The following CD44 variants were observed in gnomAD, a reference collection of about 807,000 sequenced individuals.
CD44 encodes CD44 antigen.
In CD44, 49 loss-of-function variants were observed where a neutral mutation model predicts 88.8. The ratio of observed to expected loss-of-function variants is 0.55; its 90% CI spans 0.44 to 0.70. The LOEUF is 0.70. Among genes scored for constraint, CD44 ranks in the 30% least tolerant of loss-of-function variants. The pLI, the probability that CD44 is intolerant of heterozygous loss-of-function variation, is 0.00. For missense variants in CD44, 883 were observed against 913.8 expected (o/e 0.97, Z 0.43); for synonymous variants, 325 against 312.3 (o/e 1.04, Z -0.43).
At chr11:35,222,830 T>G in intron 17 of CD44, 2 of 985,254 alleles carry the variant, frequency 2.0e-6, no homozygotes, top group Non-Finnish European at 2.4e-6. Context: ...AAAAGAAACT[T>G]ATTTCCAAGC....
Position 35,229,433 on chromosome 11 carries a change from T to C in CD44, c.*100T>C, listed in dbSNP as rs767129598. 9 of 712,898 alleles carry C rather than the reference T, an allele frequency of 1.3e-5. No homozygotes were observed. The highest frequency in any genetic ancestry group is 2.1e-5 in the Non-Finnish European group (9 of 428,204). The allele number at this position is 712,898 out of a possible 1,614,324, so 44.2% of individuals were successfully genotyped here. On this transcript the variant is annotated 3_prime_UTR_variant, in exon 18 of 18. Transcript: ENST00000428726. ...ATGCAATGTGCTACTGATTGTTTCA[T>C]TGCGAATCTTTTTTAGCATAAAATT...
intron 1 of CD44, among the ~76,000 whole-genome samples, chr11:35,171,996 C>A (rs369366609): frequency 2.0e-5 from 3 of 152,310 alleles, no homozygotes; most frequent in Admixed American, 6.5e-5. Flanking sequence ...TCTGGTGAAG[C>A]TTTTCGATAC....
chr11:35,201,068 C>T lies in CD44; in HGVS notation c.923-14C>T. On this transcript the variant is annotated splice_polypyrimidine_tract_variant and intron_variant, in intron 7 of 17. Coordinates refer to ENST00000428726, the MANE Select transcript of CD44 (RefSeq NM_000610.4). Reference sequence around the variant, plus strand: ...ATAACATTTTTCTAATTGCTTCAATCATCGTTATCACAGTTTCAACCACAC... The same window carrying T: ...ATAACATTTTTCTAATTGCTTCAATTATCGTTATCACAGTTTCAACCACAC... 1 of 1,579,264 alleles carries T rather than the reference C, an allele frequency of 6.3e-7. No individual in the cohort carries two copies. The highest frequency in any genetic ancestry group is 8.7e-7 in the Non-Finnish European group (1 of 1,148,208).
chr11:35,202,088 T>G (rs990657067), intron 9 of CD44, among the ~76,000 whole-genome samples: 9 of 152,204 alleles, frequency 5.9e-5, no homozygotes, highest in Admixed American at 2.6e-4. Context: ...CATTGAAATG[T>G]GTGGCAAAGA....
chr11:35,145,683 C>G (rs1859006233), intron 1 of CD44, among the ~76,000 whole-genome samples: 1 of 152,152 alleles, frequency 6.6e-6, no homozygotes, highest in Admixed American at 6.5e-5. Context: ...GATACTGATA[C>G]GAGGTTGAGA....
intron 1 of CD44, among the ~76,000 whole-genome samples, chr11:35,156,062 T>C (rs866116966): frequency 6.6e-5 from 10 of 152,214 alleles, no homozygotes; most frequent in Non-Finnish European, 2.9e-5. Context: ...CATGTCACCA[T>C]GGACATCATT....
intron 3 of CD44, among the ~76,000 whole-genome samples, chr11:35,183,217 G>A (rs989459209): frequency 6.6e-6 from 1 of 152,010 alleles, no homozygotes; most frequent in African/African-American, 2.4e-5. Flanking sequence ...AAGTTTAAAG[G>A]GAATATTTAT....
intron 5 of CD44, 89 bp downstream of exon 5, chr11:35,190,154 A>C: frequency 8.7e-7 from 1 of 1,144,894 alleles, no homozygotes; most frequent in Non-Finnish European, 1.3e-6. Flanking sequence ...TCACGTGCTG[A>C]TTTTCTCGTC....
intron 1 of CD44, among the ~76,000 whole-genome samples, chr11:35,157,325 A>ATTTT (rs67291520): frequency 9.4e-6 from 1 of 106,780 alleles, no homozygotes; most frequent in African/African-American, 3.9e-5. Context: ...CTGTCTGTCT[A>ATTTT]TCTATCTATC....
intron 17 of CD44, among the ~76,000 whole-genome samples, chr11:35,227,989 G>A (rs1949824863): frequency 6.6e-6 from 1 of 152,252 alleles, no homozygotes; most frequent in East Asian, 1.9e-4. Context: ...AAGAATTACA[G>A]AAAATTACAT....
chr11:35,196,964 G>A (rs112878236), intron 6 of CD44, 90 bp downstream of exon 6: 28 of 1,371,946 alleles, frequency 2.0e-5, no homozygotes, highest in Admixed American at 2.1e-5. Context: ...AAAGCCTAAC[G>A]TTCCTTCTAT....
chr11:35,157,365 A>G (rs1012162569), intron 1 of CD44, among the ~76,000 whole-genome samples: 2 of 148,582 alleles, frequency 1.3e-5, no homozygotes, highest in Non-Finnish European at 3.0e-5. Context: ...CTATCTATCT[A>G]TCATCTGTCT....
chr11:35,156,005 T>C (rs7938811), intron 1 of CD44, among the ~76,000 whole-genome samples: 18,007 of 152,190 alleles, frequency 0.12, 1,350 homozygotes, highest in African/African-American at 0.2. Flanking sequence ...AGCTAATTAG[T>C]GCAAATTCAG....
intron 1 of CD44, among the ~76,000 whole-genome samples, chr11:35,156,548 G>C (rs1198095281): frequency 6.6e-6 from 1 of 152,206 alleles, no homozygotes. Flanking sequence ...CTGATCATGA[G>C]CCTTGTTGAG....
chr11:35,219,222 C>A, intron 15 of CD44, 94 bp from the exon 16 acceptor site: 2 of 883,836 alleles, frequency 2.3e-6, no homozygotes, highest in Non-Finnish European at 3.8e-6. Flanking sequence ...CTCAGTGATT[C>A]AGAATGTGGA....
chr11:35,148,312 G>A (rs1419310138), intron 1 of CD44, among the ~76,000 whole-genome samples: 1 of 152,198 alleles, frequency 6.6e-6, no homozygotes, highest in Non-Finnish European at 1.5e-5. Context: ...CATCTTGCAG[G>A]AAACCAGCTG....
chr11:35,151,937 C>T (rs1292998894), intron 1 of CD44, among the ~76,000 whole-genome samples: 3 of 152,228 alleles, frequency 2.0e-5, no homozygotes, highest in Non-Finnish European at 4.4e-5. Context: ...AAGGGCCAGA[C>T]TTCCTGGCAA....
At chr11:35,223,175 G>A (rs1440438323) in intron 17 of CD44, 1 of 985,244 alleles carries the variant, frequency 1.0e-6, no homozygotes, top group East Asian at 1.1e-4. Flanking sequence ...AATCTAAAAG[G>A]CCGCCTATGA....
chr11:35,141,038 C>T (rs1214822663), intron 1 of CD44, among the ~76,000 whole-genome samples: 1 of 151,820 alleles, frequency 6.6e-6, no homozygotes, highest in African/African-American at 2.4e-5. Context: ...AAAATGAATA[C>T]AGTGCTAGCT....
Sources: allele counts gnomAD v4.1 joint callset (sites outside exome capture counted in the v4.1 genomes callset), GRCh38; gene constraint gnomAD v4.1.1; transcripts MANE v1.5; gene names NCBI Gene and HGNC (gene_info 2026-07-23, HGNC 2026-07-21).